BRSK2: variants seen among roughly 807,000 people sequenced by gnomAD.
BRSK2 encodes BR serine/threonine kinase 2, also known as serine/threonine-protein kinase BRSK2.
BRSK2 carries 19 observed loss-of-function variants against 83.3 expected under a neutral mutation model. The observed-to-expected ratio is 0.23, with a 90% CI of 0.16 to 0.33. BRSK2 has a LOEUF of 0.33. BRSK2 is among the 10% of genes least tolerant of loss of function. BRSK2 has a pLI of 1.00. For synonymous variants in BRSK2, 519 were observed against 435.4 expected (o/e 1.19, Z -2.39); for missense variants, 798 against 1,042.3 (o/e 0.77, Z 3.23).
intron 18 of BRSK2, 49 bp downstream of exon 18, chr11:1,456,736 G>A (rs534216851): frequency 8.4e-6 from 13 of 1,540,552 alleles, no homozygotes; most frequent in Non-Finnish European, 1.1e-5. Context: ...AGTGGGGCGT[G>A]GCCAGCTGGT....
chr11:1,449,865 C>CGGAT, intron 13 of BRSK2, 29 bp downstream of exon 13: 1 of 1,559,220 alleles, frequency 6.4e-7, no homozygotes, highest in South Asian at 1.1e-5. Context: ...CCACCCAGCT[C>CGGAT]GGATGCACAG....
Position 1,456,887 on chromosome 11 carries a change from C to A in BRSK2, c.1939+200C>A, listed in dbSNP as rs533142484. 69 of 1,532,742 alleles carry A rather than the reference C, an allele frequency of 4.5e-5. No homozygotes were observed. The African/African-American group carries it at 6.7e-4, about 15-fold the overall frequency. The allele number at this position is 1,532,742 out of a possible 1,614,324, so 94.9% of individuals were successfully genotyped here. A position where few individuals can be genotyped will look rare whatever the true frequency, so the allele number is the denominator to read the frequency against. ...CCTGGCCTGGCGGGACCACCCGCCT[C>A]GCCTCTGCACGCCAGGGACATAGGG... On this transcript the variant is annotated intron_variant, in intron 18 of 19. Coordinates refer to ENST00000528841, the MANE Select transcript of BRSK2 (RefSeq NM_001256627.2).
chr11:1,448,128 T>C (rs1852417006), intron 12 of BRSK2, among the ~76,000 whole-genome samples: 1 of 152,114 alleles, frequency 6.6e-6, no homozygotes, highest in Non-Finnish European at 1.5e-5. Context: ...CCGGCGTGGC[T>C]GCAGGCCGAG....
chr11:1,406,465 C>G (rs1846884195), intron 1 of BRSK2, among the ~76,000 whole-genome samples: 1 of 152,332 alleles, frequency 6.6e-6, no homozygotes, highest in Middle Eastern at 3.4e-3. Flanking sequence ...GAGCAAGACT[C>G]TGTCTCAATA....
chr11:1,405,963 T>TA (rs1846846985), intron 1 of BRSK2, among the ~76,000 whole-genome samples: 1 of 151,908 alleles, frequency 6.6e-6, no homozygotes, highest in African/African-American at 2.4e-5. Context: ...ATCCCCAGCC[T>TA]TCCCAGACCC....
intron 1 of BRSK2, among the ~76,000 whole-genome samples, chr11:1,401,473 C>T (rs971720593): frequency 7.9e-5 from 12 of 152,228 alleles, no homozygotes; most frequent in Admixed American, 2.6e-4. Context: ...TCAGGAGCCC[C>T]TGGGACCAGG....
chr11:1,448,066 G>A (rs755950298), intron 12 of BRSK2, among the ~76,000 whole-genome samples: 8 of 152,138 alleles, frequency 5.3e-5, no homozygotes, highest in Non-Finnish European at 7.4e-5. Flanking sequence ...CGTGGCCCAC[G>A]CCTGCCTGTG....
chr11:1,403,741 G>C, intron 1 of BRSK2, among the ~76,000 whole-genome samples: 1 of 152,300 alleles, frequency 6.6e-6, no homozygotes, highest in East Asian at 1.9e-4. Flanking sequence ...ATGCTGGTGA[G>C]ACAGAAGTGG....
At chr11:1,441,051 C>G in intron 4 of BRSK2, 123 bp downstream of exon 4, 1 of 820,644 alleles carries the variant, frequency 1.2e-6, no homozygotes, top group East Asian at 2.8e-5. Context: ...GTACACCATG[C>G]CCCCCATTAG....
intron 12 of BRSK2, 80 bp from the exon 13 acceptor site, chr11:1,449,696 A>C: frequency 2.3e-6 from 3 of 1,291,156 alleles, no homozygotes; most frequent in South Asian, 1.3e-5. Flanking sequence ...TGGAGGGTTT[A>C]CCTGGGGGGA....
intron 1 of BRSK2, among the ~76,000 whole-genome samples, chr11:1,409,120 C>G (rs921143717): frequency 1.3e-5 from 2 of 152,064 alleles, no homozygotes; most frequent in Non-Finnish European, 2.9e-5. Context: ...GCCGTCTGAC[C>G]CTGGAGGCAT....
intron 3 of BRSK2, among the ~76,000 whole-genome samples, chr11:1,439,784 C>T (rs138203631): frequency 1.6e-3 from 248 of 151,368 alleles, no homozygotes; most frequent in Non-Finnish European, 2.8e-3. Context: ...GCCCTGAGGG[C>T]TTCACACCTT....
Position 1,443,635 on chromosome 11 carries a change from G to T in BRSK2, c.780G>T (p.Thr260=), listed in dbSNP as rs370561640. 3 of 1,595,824 alleles carry T rather than the reference G, an allele frequency of 1.9e-6. No homozygotes were observed. Among genetic ancestry groups the T allele is most frequent in the East Asian group, 2.3e-5 (1 of 44,364 alleles). The part of the protein sequence containing the change: ...MIEVDAARRL[T]LEHIQKHIWY... ...AGGTGGACGCCGCACGCCGCCTCAC[G>T]GTGCGTGCCCTCGGAGCGGGGCGGC... is the stretch of plus-strand genomic sequence containing the variant. The change falls in exon 8 of 20, where the codon ACG becomes ACT. Residue 260 remains threonine (T), a splice_region_variant and synonymous_variant. Transcript: ENST00000528841.
intron 1 of BRSK2, among the ~76,000 whole-genome samples, chr11:1,422,300 G>A (rs565228111): frequency 6.6e-6 from 1 of 152,272 alleles, no homozygotes; most frequent in East Asian, 1.9e-4. Context: ...AGAGTCCCAG[G>A]TGGGGCCTGC....
chr11:1,445,469 G>A lies in BRSK2; in HGVS notation c.977+11G>A. ...CCTGCTGTCCGAGGAGTGCGTCTGG[G>A]GCTGCTCCCGGGTGGGGCACGGGGC... On this transcript the variant is annotated intron_variant, in intron 10 of 19. Transcript: ENST00000528841. 1 of 1,611,284 alleles carries A rather than the reference G, an allele frequency of 6.2e-7. No individual in the cohort carries two copies. The highest frequency in any genetic ancestry group is 8.5e-7 in the Non-Finnish European group (1 of 1,179,476).
At chr11:1,452,501 T>C (rs1037671888) in intron 15 of BRSK2, among the ~76,000 whole-genome samples, 17 of 152,192 alleles carry the variant, frequency 1.1e-4, no homozygotes, top group Admixed American at 5.9e-4. Flanking sequence ...GCCGAGAAGG[T>C]GGCTTTGATG....
chr11:1,396,432 A>G (rs1321613728), intron 1 of BRSK2, among the ~76,000 whole-genome samples: 1 of 151,886 alleles, frequency 6.6e-6, no homozygotes, highest in African/African-American at 2.4e-5. Flanking sequence ...CTGCGGAGTG[A>G]CCCCGGGCCC....
intron 1 of BRSK2, among the ~76,000 whole-genome samples, chr11:1,395,942 G>T (rs979018012): frequency 6.6e-6 from 1 of 152,208 alleles, no homozygotes; most frequent in Non-Finnish European, 1.5e-5. Flanking sequence ...GGGCTGTGAT[G>T]TGAGGTTGGC....
intron 8 of BRSK2, among the ~76,000 whole-genome samples, chr11:1,444,678 C>A (rs1432698129): frequency 6.6e-6 from 1 of 151,380 alleles, no homozygotes; most frequent in Non-Finnish European, 1.5e-5. Flanking sequence ...GCTCCCCAGG[C>A]CCCTGCCCCT....
Sources: gnomAD v4.1 joint callset for allele counts (sites outside exome capture counted in the v4.1 genomes callset) on GRCh38, gnomAD v4.1.1 for gene constraint, MANE v1.5 for transcripts, NCBI Gene and HGNC (gene_info 2026-07-23, HGNC 2026-07-21) for gene names.